Variants in DNAH5 observed in about 807,000 individuals in gnomAD.
DNAH5 encodes dynein axonemal heavy chain 5.
DNAH5 carries 372 observed loss-of-function variants against 518.2 expected under a neutral mutation model. The ratio of observed to expected loss-of-function variants is 0.72; its 90% CI spans 0.66 to 0.78. The LOEUF is 0.78. Ranked by LOEUF, DNAH5 falls within the 30% of genes least tolerant of loss-of-function variation. DNAH5 has a pLI of 0.00. For missense variants in DNAH5, 5,523 were observed against 5,687.0 expected, an observed-to-expected ratio of 0.97 and a Z score of 0.93; for synonymous variants, 2,039 against 2,025.9, an observed-to-expected ratio of 1.01 and a Z score of -0.17.
intron 49 of DNAH5, among the ~76,000 whole-genome samples, chr5:13,793,311 AG>A (rs997921286): frequency 8.5e-5 from 13 of 152,182 alleles, no homozygotes; most frequent in Non-Finnish European, 1.9e-4. Flanking sequence ...TAAATGGAAA[AG>A]CTCTACCAAG....
intron 31 of DNAH5, among the ~76,000 whole-genome samples, chr5:13,849,336 G>A (rs573673828): frequency 2.6e-5 from 4 of 152,196 alleles, no homozygotes; most frequent in Non-Finnish European, 5.9e-5. Context: ...AATGTATGCG[G>A]TGATTCCATT....
intron 15 of DNAH5, chr5:13,899,877 C>A: frequency 6.7e-6 from 2 of 300,318 alleles, no homozygotes; most frequent in East Asian, 8.3e-5. Context: ...CCCGCTGATA[C>A]CCCTCGTCCC....
intron 29 of DNAH5, among the ~76,000 whole-genome samples, chr5:13,861,317 C>T (rs988900753): frequency 1.3e-5 from 2 of 152,158 alleles, no homozygotes; most frequent in African/African-American, 4.8e-5. Context: ...AATGGTCTAA[C>T]TTTATATCCC....
intron 78 of DNAH5, among the ~76,000 whole-genome samples, chr5:13,693,451 T>C (rs1179068490): frequency 6.6e-6 from 1 of 152,240 alleles, no homozygotes; most frequent in Non-Finnish European, 1.5e-5. Context: ...CACTATAAAT[T>C]TAATTAATTG....
Position 13,850,764 on chromosome 5 carries a change from G to A in DNAH5, c.5002C>T (p.Arg1668Trp), listed in dbSNP as rs980507234. Residue 1668 changes from arginine (R) to tryptophan (W), a missense_variant, in exon 31 of 79, where the codon CGG becomes TGG. Physicochemically the swap from Arg to Trp is moderately radical, Grantham distance 101. Coordinates refer to ENST00000265104, the MANE Select transcript of DNAH5 (RefSeq NM_001369.3). ...IDKSWVKIMTRAHEVPSVVQC... is the reference protein window; with the variant it reads ...IDKSWVKIMTWAHEVPSVVQC... ...ACTACACTGGGCACTTCATGTGCCC[G>A]AGTCATGATCTTCACCCAAGATTTA... The A allele has an allele frequency of 4.0e-5, 65 of 1,613,998 alleles. No individual in the cohort carries two copies. The highest frequency in any genetic ancestry group is 5.3e-5 in the Non-Finnish European group (62 of 1,179,962).
At chr5:13,957,988 C>T (rs888966153) in intron 1 of DNAH5, among the ~76,000 whole-genome samples, 1 of 151,106 alleles carries the variant, frequency 6.6e-6, no homozygotes, top group Admixed American at 6.6e-5. Flanking sequence ...GTATATATAC[C>T]TTTATTTTTA....
At chr5:13,796,524 C>T (rs985260523) in intron 47 of DNAH5, among the ~76,000 whole-genome samples, 1 of 152,098 alleles carries the variant, frequency 6.6e-6, no homozygotes, top group Non-Finnish European at 1.5e-5. Context: ...AGGAGAACTA[C>T]AAACCACTGC....
chr5:14,001,803 G>A (rs886560053), intron 1 of DNAH5, among the ~76,000 whole-genome samples: 1 of 151,940 alleles, frequency 6.6e-6, no homozygotes, highest in Non-Finnish European at 1.5e-5. Context: ...ATTGTGTAAG[G>A]CAGATGTTGC....
rs1741975146 is a variant in DNAH5, at chr5:13,700,671, C to T, written c.13692G>A (p.Met4564Ile). The T allele has an allele frequency of 6.2e-7, 1 of 1,614,180 alleles. No homozygotes were observed. Among genetic ancestry groups the T allele is most frequent in the Non-Finnish European group, 8.5e-7 (1 of 1,180,004 alleles). ...ESKPKVLFEL[M>I]PVIRIYAENN... ...TTTCTGCATAAATCCTTATGACAGG[C>T]ATCAACTCAAAGAGCACTTTTGGCT... Residue 4564 changes from methionine to isoleucine, a missense_variant, in exon 78 of 79, where the codon ATG becomes ATA. Physicochemically the swap from Met to Ile is conservative, Grantham distance 10. Transcript: ENST00000265104.
Position 13,707,149 on chromosome 5 carries a change from C to A in DNAH5, c.13338+974G>T, listed in dbSNP as rs960491157. Among the ~76,000 whole-genome samples the A allele has an allele frequency of 5.3e-5, 8 of 151,792 alleles. No homozygotes were observed. The highest frequency in any genetic ancestry group is 3.9e-4 in the Admixed American group (6 of 15,228). On this transcript the variant is annotated intron_variant, in intron 76 of 78. Coordinates refer to ENST00000265104, the MANE Select transcript of DNAH5 (RefSeq NM_001369.3). This position sits in a 1 kb window ranked among gnomAD's most constrained non-coding sequence, Gnocchi z 4.0. ...CACCAGCATATACTGGCAGGACCAA[C>A]AGACACCGCTGACAGCGGGACGACG...
chr5:13,747,414 T>C (rs1465818871), intron 65 of DNAH5, among the ~76,000 whole-genome samples: 1 of 152,354 alleles, frequency 6.6e-6, no homozygotes, highest in African/African-American at 2.4e-5. Context: ...AGTAATGGGA[T>C]GGCAGGGTCA....
chr5:13,758,888 G>T lies in DNAH5; in HGVS notation c.10377C>A (p.Asp3459Glu), dbSNP rs139317626. 6.2e-7 allele frequency: 1 copy of T among 1,614,126 alleles called. No homozygotes were observed. The highest frequency in any genetic ancestry group is 8.5e-7 in the Non-Finnish European group (1 of 1,180,006). Residue 3459 changes from aspartate to glutamate, a missense_variant, in exon 61 of 79, where the codon GAC becomes GAA. Transcript: ENST00000265104. ...CCTGTTCATACTCAGCCTGCACCACGTCAAGTTCCGCCTGCTTGTCATCCA... is the reference window on the plus strand; with the variant it reads ...CCTGTTCATACTCAGCCTGCACCACTTCAAGTTCCGCCTGCTTGTCATCCA... Reference protein sequence around the residue: ...AELDDKQAELDVVQAEYEQAM... With the variant: ...AELDDKQAELEVVQAEYEQAM...
rs754890687 is a variant in DNAH5, at chr5:13,719,048, C to T, written c.12333G>A (p.Glu4111=). Reference sequence around the variant, plus strand: ...CAGTTTCTATGATTATGTCCATCAGCTCATCCATGAAATCAAGTCCCAGAT... The same window carrying T: ...CAGTTTCTATGATTATGTCCATCAGTTCATCCATGAAATCAAGTCCCAGAT... The part of the protein sequence containing the change: ...NCHLGLDFMD[E]LMDIIIETEL... The change falls in exon 72 of 79, where the codon GAG becomes GAA. Residue 4111 remains glutamate (E), a synonymous_variant. Coordinates refer to ENST00000265104, the MANE Select transcript of DNAH5 (RefSeq NM_001369.3). 3 of 1,614,148 alleles carry T rather than the reference C, an allele frequency of 1.9e-6. No homozygotes were observed. In the East Asian group the frequency reaches 6.7e-5, roughly 36 times the overall value.
chr5:13,770,097 C>T (rs1038861662), intron 56 of DNAH5, among the ~76,000 whole-genome samples: 7 of 152,310 alleles, frequency 4.6e-5, no homozygotes, highest in South Asian at 2.1e-4. Flanking sequence ...CCTGAAATAA[C>T]GTGACCATAG....
At chr5:14,004,709 AC>A (rs1278810039) in intron 1 of DNAH5, among the ~76,000 whole-genome samples, 1 of 152,204 alleles carries the variant, frequency 6.6e-6, no homozygotes, top group Admixed American at 6.5e-5. Flanking sequence ...CATGCATAGC[AC>A]AGAGCAGGCC....
chr5:13,935,795 G>T (rs1778867679), intron 1 of DNAH5, among the ~76,000 whole-genome samples: 1 of 152,202 alleles, frequency 6.6e-6, no homozygotes, highest in South Asian at 2.1e-4. Flanking sequence ...TTCTTTGGGG[G>T]TTGGCTTGTC....
At chr5:13,797,933 T>C (rs1350126791) in intron 47 of DNAH5, among the ~76,000 whole-genome samples, 1 of 151,956 alleles carries the variant, frequency 6.6e-6, no homozygotes, top group East Asian at 1.9e-4. Context: ...AAACCACCAT[T>C]CTCAGCAAAC....
chr5:13,726,121 T>C (rs1745684549), intron 70 of DNAH5, among the ~76,000 whole-genome samples: 2 of 152,250 alleles, frequency 1.3e-5, no homozygotes, highest in Non-Finnish European at 1.5e-5. Context: ...GGATTGAATG[T>C]ATCTACATTG....
At chr5:13,965,306 ATGAT>A (rs1162541385) in intron 1 of DNAH5, among the ~76,000 whole-genome samples, 12 of 152,224 alleles carry the variant, frequency 7.9e-5, no homozygotes, top group African/African-American at 2.9e-4. Flanking sequence ...TAAACTGGAC[ATGAT>A]TGATAAGCAC....
Sources: gnomAD v4.1 joint callset for allele counts (sites outside exome capture counted in the v4.1 genomes callset) on GRCh38, gnomAD v4.1.1 for gene constraint, Gnocchi (gnomAD v3.1) non-coding constraint, MANE v1.5 for transcripts, NCBI Gene and HGNC (gene_info 2026-07-23, HGNC 2026-07-21) for gene names.